The following TUT7 variants were observed in gnomAD, a reference collection of about 807,000 sequenced individuals.
The protein encoded by TUT7 is terminal uridylyltransferase 7.
A neutral mutation model predicts 165.9 loss-of-function variants in TUT7; 33 were observed. The ratio of observed to expected loss-of-function variants is 0.20; its 90% confidence interval spans 0.15 to 0.27. The LOEUF is 0.27. Ranked by LOEUF, TUT7 falls within the 10% of genes least tolerant of loss-of-function variation. TUT7 has a pLI of 1.00. For synonymous variants in TUT7, 552 were observed against 608.1 expected (o/e 0.91, Z 1.36); for missense variants, 1,338 against 1,762.3 (o/e 0.76, Z 4.31).
intron 17 of TUT7, among the ~76,000 whole-genome samples, chr9:86,316,719 C>A (rs1472520612): frequency 6.6e-6 from 1 of 152,062 alleles, no homozygotes; most frequent in Non-Finnish European, 1.5e-5. Context: ...CTTACGCATA[C>A]AAGATTTTAA....
chr9:86,351,597 G>A (rs1832308261), intron 2 of TUT7, among the ~76,000 whole-genome samples: 1 of 152,092 alleles, frequency 6.6e-6, no homozygotes, highest in Non-Finnish European at 1.5e-5. Context: ...ACGACCTTTT[G>A]GCTTTTAAGT....
chr9:86,341,114 AAG>A (rs1190092116), intron 6 of TUT7, 61 bp from the exon 7 acceptor site: 7 of 1,348,010 alleles, frequency 5.2e-6, no homozygotes, highest in Non-Finnish European at 6.3e-6. Flanking sequence ...TCACTGATAT[AAG>A]AGTCATCCGA....
At chr9:86,295,124 A>C (rs559587817) in intron 26 of TUT7, among the ~76,000 whole-genome samples, 72 of 145,108 alleles carry the variant, frequency 5.0e-4, no homozygotes, top group African/African-American at 1.7e-3. Flanking sequence ...GGAGAAGTTC[A>C]AACAAACAAA....
chr9:86,299,636 C>T (rs1826693502), intron 26 of TUT7, among the ~76,000 whole-genome samples: 2 of 152,250 alleles, frequency 1.3e-5, no homozygotes, highest in South Asian at 4.2e-4. Context: ...CCCCTGCCAC[C>T]CGGACTACCC....
intron 6 of TUT7, among the ~76,000 whole-genome samples, chr9:86,341,935 C>A (rs1488383198): frequency 6.6e-6 from 1 of 152,038 alleles, no homozygotes; most frequent in East Asian, 1.9e-4. Context: ...AAAGAGGAAC[C>A]ATCTCTGTTT....
At chr9:86,293,114 A>G (rs1484651564) in intron 26 of TUT7, among the ~76,000 whole-genome samples, 1 of 152,200 alleles carries the variant, frequency 6.6e-6, no homozygotes, top group African/African-American at 2.4e-5. Flanking sequence ...TCACACTATT[A>G]AAACAAACAT....
chr9:86,350,775 T>A (rs1440362091), intron 2 of TUT7, among the ~76,000 whole-genome samples: 1 of 152,238 alleles, frequency 6.6e-6, no homozygotes, highest in Non-Finnish European at 1.5e-5. Context: ...ACTTAACGCC[T>A]TTATAACACT....
intron 26 of TUT7, among the ~76,000 whole-genome samples, chr9:86,301,068 A>C: frequency 1.3e-5 from 2 of 152,338 alleles, no homozygotes; most frequent in Middle Eastern, 6.8e-3. Flanking sequence ...AATGACTCTC[A>C]TAAGACTCTA....
intron 26 of TUT7, 33 bp downstream of exon 26, chr9:86,301,243 G>T: frequency 6.4e-7 from 1 of 1,565,108 alleles, no homozygotes; most frequent in South Asian, 1.2e-5. Context: ...TGAGATGTTA[G>T]AGCAAACATC....
chr9:86,293,553 A>C (rs1436830151), intron 26 of TUT7, among the ~76,000 whole-genome samples: 1 of 152,222 alleles, frequency 6.6e-6, no homozygotes, highest in East Asian at 1.9e-4. Flanking sequence ...ATGAAAAAAG[A>C]CTATCCCAAT....
intron 26 of TUT7, among the ~76,000 whole-genome samples, chr9:86,293,076 A>C (rs772731404): frequency 1.3e-5 from 2 of 152,220 alleles, no homozygotes; most frequent in Non-Finnish European, 1.5e-5. Context: ...GGTAAGCATG[A>C]TAAGAAACCA....
At chr9:86,352,265 T>A (rs996310823) in intron 2 of TUT7, among the ~76,000 whole-genome samples, 20 of 151,932 alleles carry the variant, frequency 1.3e-4, no homozygotes, top group East Asian at 1.9e-4. Flanking sequence ...GTTTTTTTTT[T>A]AAAAAAAGCT....
chr9:86,319,184 G>T, intron 15 of TUT7, 126 bp from the exon 16 acceptor site: 2 of 617,262 alleles, frequency 3.2e-6, no homozygotes, highest in East Asian at 2.9e-5. Context: ...TCATACTTAT[G>T]TTCTCTGATT....
chr9:86,300,397 A>G (rs1826768514), intron 26 of TUT7, among the ~76,000 whole-genome samples: 1 of 152,222 alleles, frequency 6.6e-6, no homozygotes, highest in Non-Finnish European at 1.5e-5. Context: ...GCTGTCCACA[A>G]ACATATATAT....
Position 86,301,439 on chromosome 9 carries a change from C to A in TUT7, c.4257G>T (p.Lys1419Asn), listed in dbSNP as rs1447742970. 6 of 1,614,180 alleles carry A rather than the reference C, an allele frequency of 3.7e-6. No homozygotes were observed. In the South Asian group the frequency reaches 6.6e-5, roughly 18 times the overall value. Residue 1419 changes from lysine (K) to asparagine (N), a missense_variant, in exon 26 of 27, where the codon AAG (lysine) becomes AAT (asparagine). Around this residue, in one of 7 missense-constraint regions of TUT7, gnomAD observed 167 missense variants for 204.9 expected, o/e 0.82. Coordinates refer to ENST00000375963, the MANE Select transcript of TUT7 (RefSeq NM_024617.4). ...CCAGGTCAGCAGCTGCCCGCATTGG[C>A]TTGGCTTTCTGAGGTGTGCACTGTA... ...KPIQCTPQKA[K>N]PMRAAADLGR...
intron 2 of TUT7, 66 bp downstream of exon 2, chr9:86,352,614 T>C: frequency 6.3e-7 from 1 of 1,578,142 alleles, no homozygotes; most frequent in South Asian, 1.1e-5. Flanking sequence ...CAAAACTCAT[T>C]TGGATGAAAA....
Position 86,288,431 on chromosome 9 carries a change from G to A in TUT7, c.*246C>T, listed in dbSNP as rs1825680677. ...ATAGTTATATTTTTTCTTTTAACGTGGCTTAAATACATACATCATGTCTTT... is the reference window on the plus strand; with the variant it reads ...ATAGTTATATTTTTTCTTTTAACGTAGCTTAAATACATACATCATGTCTTT... On this transcript the variant is annotated 3_prime_UTR_variant, in exon 27 of 27. Transcript: ENST00000375963. 1.0e-5 allele frequency: 3 copies of A among 295,936 alleles called. No individual in the cohort carries two copies. The highest frequency in any genetic ancestry group is 1.1e-4 in the South Asian group (1 of 9,182). The allele number at this position is 295,936 out of a possible 1,614,324, so 18.3% of individuals were successfully genotyped here.
chr9:86,339,999 TGA>T (rs1230426318), intron 8 of TUT7, 35 bp downstream of exon 8: 9 of 1,546,566 alleles, frequency 5.8e-6, no homozygotes, highest in Non-Finnish European at 8.0e-6. Flanking sequence ...TTTGGCAAGT[TGA>T]GAGTTAGTAA....
chr9:86,317,294 T>C lies in TUT7; in HGVS notation c.3217-18A>G. The C allele has an allele frequency of 6.2e-7, 1 of 1,609,590 alleles. No homozygotes were observed. Among genetic ancestry groups the C allele is most frequent in the Non-Finnish European group, 8.5e-7 (1 of 1,177,906 alleles). On this transcript the variant is annotated intron_variant, in intron 16 of 26. Transcript: ENST00000375963. The stretch of plus-strand genomic sequence containing the variant: ...TCCAATCCCTACAACAAAGAAGGCA[T>C]AAAGAACTTAACCAAAACTGGAAGA...
Sources: allele counts gnomAD v4.1 joint callset (sites outside exome capture counted in the v4.1 genomes callset), GRCh38; gene constraint gnomAD v4.1.1; regional missense constraint gnomAD v4.1.1; transcripts MANE v1.5; gene names NCBI Gene and HGNC (gene_info 2026-07-23, HGNC 2026-07-21).